The following ASAP1 variants were observed in gnomAD, a reference collection of about 807,000 sequenced individuals.
ASAP1 encodes the protein arf-GAP with SH3 domain, ANK repeat and PH domain-containing protein 1.
In ASAP1, 43 loss-of-function variants were observed where a neutral mutation model predicts 145.2. The observed-to-expected ratio is 0.30, with a 90% CI of 0.23 to 0.38. ASAP1 has a LOEUF of 0.38. Among genes scored for constraint, ASAP1 ranks in the 10% least tolerant of loss-of-function variants. The pLI is 1.00. For synonymous variants in ASAP1, 546 were observed against 515.5 expected (o/e 1.06, Z -0.80); for missense variants, 1,018 against 1,355.3 (o/e 0.75, Z 3.91).
At chr8:130,299,133 C>T (rs1454543610) in intron 3 of ASAP1, among the ~76,000 whole-genome samples, 2 of 152,044 alleles carry the variant, frequency 1.3e-5, no homozygotes, top group South Asian at 2.1e-4. Context: ...CCCGTGTGTC[C>T]GTGCCTCTGC....
At chr8:130,073,384 C>A (rs1181005776) in intron 27 of ASAP1, among the ~76,000 whole-genome samples, 1 of 129,904 alleles carries the variant, frequency 7.7e-6, no homozygotes, top group Non-Finnish European at 1.7e-5. Context: ...GAGTGAAACT[C>A]CGTCTCAAAA....
chr8:130,098,072 A>T (rs1294578596), intron 24 of ASAP1, among the ~76,000 whole-genome samples: 2 of 152,206 alleles, frequency 1.3e-5, no homozygotes, highest in Admixed American at 6.5e-5. Context: ...GCTAAAACAC[A>T]GTATTTAAAA....
chr8:130,192,475 T>C (rs570534130), intron 5 of ASAP1, among the ~76,000 whole-genome samples: 30 of 152,330 alleles, frequency 2.0e-4, no homozygotes, highest in Admixed American at 5.2e-4. Context: ...CCCTCTATTC[T>C]ACACAGATAG....
rs145518205 is a variant in ASAP1, at chr8:130,123,074, T to C, written c.1607+939A>G. Among the ~76,000 whole-genome samples, 594 of 152,346 alleles carry C rather than the reference T, an allele frequency of 3.9e-3. 1 individual carries two copies. The highest frequency in any genetic ancestry group is 6.4e-3 in the Non-Finnish European group (435 of 68,040). The stretch of plus-strand genomic sequence containing the variant: ...TTCAGTGTAATTTGTGCTTTTTTTT[T>C]CCATCTGCATAGTGTTCTGTTGTGT... On this transcript the variant is annotated intron_variant, in intron 18 of 29. Transcript: ENST00000518721.
At chr8:130,158,216 A>T (rs914331288) in intron 12 of ASAP1, among the ~76,000 whole-genome samples, 1 of 152,106 alleles carries the variant, frequency 6.6e-6, no homozygotes, top group African/African-American at 2.4e-5. Context: ...TTAAAAAAAA[A>T]CAATGACAAT....
At chr8:130,376,469 T>C (rs909239596) in intron 2 of ASAP1, among the ~76,000 whole-genome samples, 6 of 152,116 alleles carry the variant, frequency 3.9e-5, no homozygotes, top group African/African-American at 1.4e-4. Flanking sequence ...GGCTCACGCC[T>C]GTAATCCCAA....
chr8:130,300,159 G>A (rs5021076), intron 3 of ASAP1, among the ~76,000 whole-genome samples: 1 of 107,108 alleles, frequency 9.3e-6, no homozygotes, highest in Non-Finnish European at 1.9e-5. Context: ...CACACAGAGA[G>A]AGAGAGAGAG....
intron 1 of ASAP1, among the ~76,000 whole-genome samples, chr8:130,416,200 A>C (rs115713907): frequency 7.0e-4 from 106 of 152,250 alleles, no homozygotes; most frequent in African/African-American, 2.3e-3. Flanking sequence ...CCGGAGGACA[A>C]GCCGCTGATT....
chr8:130,060,509 C>T, intron 28 of ASAP1, 70 bp downstream of exon 28: 1 of 1,518,006 alleles, frequency 6.6e-7, no homozygotes, highest in Non-Finnish European at 8.8e-7. Context: ...TAAGTTGGAG[C>T]ACCTGCCCTC....
chr8:130,286,328 A>G (rs1821609273), intron 3 of ASAP1, among the ~76,000 whole-genome samples: 1 of 152,224 alleles, frequency 6.6e-6, no homozygotes, highest in Admixed American at 6.5e-5. Context: ...CTAAAAACAA[A>G]GCTAGCATTT....
rs556138027 is a variant in ASAP1 at position 130,404,245 on chromosome 8, A to T, written c.-27-2275T>A. Among the ~76,000 whole-genome samples the T allele has an allele frequency of 9.8e-5, 15 of 152,338 alleles. No homozygotes were observed. The South Asian group carries it at 2.9e-3, about 29-fold the overall frequency. On this transcript the variant is annotated intron_variant, in intron 1 of 29. Coordinates refer to ENST00000518721, the MANE Select transcript of ASAP1 (RefSeq NM_018482.4). ...CCATTTCCTTCAAACTTAGATGCCA[A>T]CAGCAATTGAATCTTCCTGAGCACT...
intron 3 of ASAP1, among the ~76,000 whole-genome samples, chr8:130,262,420 G>A (rs1025139952): frequency 0.015 from 576 of 38,544 alleles, 15 homozygotes; most frequent in East Asian, 0.041. Context: ...AAAAAAAAGA[G>A]AGAGAGAGAG....
chr8:130,221,646 G>A (rs971621160), intron 4 of ASAP1, among the ~76,000 whole-genome samples: 9 of 151,768 alleles, frequency 5.9e-5, no homozygotes, highest in East Asian at 1.9e-4. Flanking sequence ...TTTCTTTTCC[G>A]TGAGGCCCCT....
intron 18 of ASAP1, among the ~76,000 whole-genome samples, chr8:130,120,006 G>A (rs1292348033): frequency 6.6e-6 from 1 of 152,178 alleles, no homozygotes; most frequent in Non-Finnish European, 1.5e-5. Flanking sequence ...GTTTAACACT[G>A]TGCTGGTACC....
intron 27 of ASAP1, among the ~76,000 whole-genome samples, chr8:130,072,790 GAT>G (rs796199762): frequency 0.043 from 2,853 of 66,090 alleles, 309 homozygotes; most frequent in East Asian, 0.16. Flanking sequence ...ACTTGCAATT[GAT>G]ATGTGTGTGT....
chr8:130,139,534 T>G (rs1167423660), intron 13 of ASAP1, among the ~76,000 whole-genome samples: 1 of 152,152 alleles, frequency 6.6e-6, no homozygotes, highest in Non-Finnish European at 1.5e-5. Context: ...AAGACCAGCC[T>G]GGCCAACGTG....
chr8:130,182,830 G>A (rs1586538515), intron 7 of ASAP1, among the ~76,000 whole-genome samples: 8 of 43,014 alleles, frequency 1.9e-4, no homozygotes, highest in East Asian at 6.3e-4. Flanking sequence ...CTATAAAAAG[G>A]CAAAAAAAAA....
At chr8:130,227,600 C>A (rs1817660210) in intron 4 of ASAP1, among the ~76,000 whole-genome samples, 1 of 151,516 alleles carries the variant, frequency 6.6e-6, no homozygotes, top group Non-Finnish European at 1.5e-5. Context: ...GTCAGTAAAA[C>A]ATTTCAAAGC....
rs560061527 is a variant in ASAP1, at chr8:130,420,552, C to T, written c.-27-18582G>A. The stretch of plus-strand genomic sequence containing the variant: ...TCAGCCAAGGAATGGAATGGATAAA[C>T]CAAGTGTGGTACAGCCATACAATGC... On this transcript the variant is annotated intron_variant, in intron 1 of 29. Transcript: ENST00000518721. 1.2e-3 allele frequency among the ~76,000 whole-genome samples: 176 copies of T among 152,088 alleles called. 3 individuals are homozygous for T. The highest frequency in any genetic ancestry group is 3.5e-4 in the Non-Finnish European group (24 of 68,036).
Sources: gnomAD v4.1 joint callset for allele counts (sites outside exome capture counted in the v4.1 genomes callset) on GRCh38, gnomAD v4.1.1 for gene constraint, MANE v1.5 for transcripts, NCBI Gene and HGNC (gene_info 2026-07-23, HGNC 2026-07-21) for gene names.